EXT1: variants seen among roughly 807,000 people sequenced by gnomAD.
EXT1 encodes the protein exostosin glycosyltransferase 1.
A neutral mutation model predicts 82.5 loss-of-function variants in EXT1; 20 were observed. The ratio of observed to expected loss-of-function variants is 0.24; its 90% confidence interval spans 0.17 to 0.35. EXT1 has a LOEUF of 0.35. Ranked by LOEUF, EXT1 falls within the 10% of genes least tolerant of loss-of-function variation. The pLI is 1.00. For missense variants in EXT1, 757 were observed against 936.5 expected (o/e 0.81, Z 2.50); for synonymous variants, 348 against 350.8 (o/e 0.99, Z 0.09).
intron 1 of EXT1, among the ~76,000 whole-genome samples, chr8:117,878,757 C>T (rs138910172): frequency 6.6e-5 from 10 of 152,328 alleles, no homozygotes; most frequent in African/African-American, 2.4e-4. Context: ...TTAGAATCTT[C>T]CAGTGATTCC....
At position 118,066,573 on chromosome 8, in the gene EXT1, C is replaced by T. The variant is rs972412828; in HGVS notation, c.962+43512G>A. On this transcript the variant is annotated intron_variant, in intron 1 of 10. Coordinates refer to ENST00000378204, the MANE Select transcript of EXT1 (RefSeq NM_000127.3). The stretch of plus-strand genomic sequence containing the variant: ...ATGGGGTTTCACCATGTTGACCAGG[C>T]TGGTCTTGAACAACTGGCCTCAAGT... Among the ~76,000 whole-genome samples, 5 of 152,226 alleles carry T rather than the reference C, an allele frequency of 3.3e-5. No homozygotes were observed. The East Asian group carries it at 9.7e-4, about 29-fold the overall frequency.
At chr8:117,951,684 C>T (rs982648698) in intron 1 of EXT1, among the ~76,000 whole-genome samples, 2 of 152,164 alleles carry the variant, frequency 1.3e-5, no homozygotes, top group African/African-American at 4.8e-5. Context: ...TTATGTAGAC[C>T]ACTTCCTCTG....
At position 117,811,481 on chromosome 8, in the gene EXT1, T is replaced by C. The variant is rs1033778602; in HGVS notation, c.1722+1391A>G. Among the ~76,000 whole-genome samples the C allele has an allele frequency of 3.3e-5, 5 of 152,138 alleles. 1 individual carries two copies. The highest frequency in any genetic ancestry group is 6.5e-5 in the Admixed American group (1 of 15,276). On this transcript the variant is annotated intron_variant, in intron 8 of 10. Coordinates refer to ENST00000378204, the MANE Select transcript of EXT1 (RefSeq NM_000127.3). ...GGCCCAACCACTCATTCAACAAGTA[T>C]TTATAGAGCTTCGGCTGCATAGAAA...
chr8:117,877,242 A>T (rs1310851100), intron 1 of EXT1, among the ~76,000 whole-genome samples: 1 of 152,152 alleles, frequency 6.6e-6, no homozygotes, highest in Non-Finnish European at 1.5e-5. Context: ...GCCTCATGAG[A>T]GAAGTCGCTG....
Position 118,037,836 on chromosome 8 carries a change from G to GTTTTT in EXT1, c.962+72244_962+72248dup, listed in dbSNP as rs58862041. Among the ~76,000 whole-genome samples, 91 of 107,376 alleles carry GTTTTT rather than the reference G, an allele frequency of 8.5e-4. 1 individual carries two copies. Among genetic ancestry groups the GTTTTT allele is most frequent in the African/African-American group, 2.5e-3 (59 of 23,746 alleles). 70.4% of individuals were successfully genotyped at this position (107,376 alleles called of 152,430 possible). ...CTTTGTATCAACAAGAGTGTTTTTTGTTTTTTTTTTTTTTTTTTTTTGAGA... is the reference window on the plus strand; with the variant it reads ...CTTTGTATCAACAAGAGTGTTTTTTGTTTTTTTTTTTTTTTTTTTTTTTTTTGAGA... On this transcript the variant is annotated intron_variant, in intron 1 of 10. Coordinates refer to ENST00000378204, the MANE Select transcript of EXT1 (RefSeq NM_000127.3).
chr8:118,058,781 TATTA>T (rs1218437637), intron 1 of EXT1, among the ~76,000 whole-genome samples: 1 of 152,134 alleles, frequency 6.6e-6, no homozygotes, highest in Non-Finnish European at 1.5e-5. Context: ...TACAGAAAAA[TATTA>T]ATAGATATAG....
intron 1 of EXT1, among the ~76,000 whole-genome samples, chr8:118,087,131 G>T (rs1817436137): frequency 1.3e-5 from 2 of 152,142 alleles, no homozygotes; most frequent in African/African-American, 4.8e-5. Context: ...AACAGTCTTG[G>T]GAACAGGAGC....
At chr8:117,835,924 T>A (rs1198715916) in intron 2 of EXT1, among the ~76,000 whole-genome samples, 2 of 152,180 alleles carry the variant, frequency 1.3e-5, no homozygotes, top group East Asian at 3.9e-4. Context: ...ATAAACAGTC[T>A]GGTCAACGTA....
chr8:117,941,461 G>A (rs902953821), intron 1 of EXT1, among the ~76,000 whole-genome samples: 2 of 152,198 alleles, frequency 1.3e-5, no homozygotes, highest in Non-Finnish European at 1.5e-5. Context: ...CAGTAAGGCT[G>A]GATCTAGGGT....
intron 1 of EXT1, among the ~76,000 whole-genome samples, chr8:118,010,914 A>G (rs1563628817): frequency 6.6e-6 from 1 of 152,234 alleles, no homozygotes; most frequent in Non-Finnish European, 1.5e-5. Context: ...GGACAGCAAG[A>G]TTAATGAAAG....
At chr8:117,974,805 A>AT (rs529780979) in intron 1 of EXT1, among the ~76,000 whole-genome samples, 121 of 152,234 alleles carry the variant, frequency 7.9e-4, no homozygotes, top group Non-Finnish European at 1.6e-3. Context: ...CACCTCTCAG[A>AT]TAACCCTTGT....
rs1174385267 is a variant in EXT1 at position 117,798,859 on chromosome 8, G to A, written c.*853C>T. The A allele has an allele frequency of 1.3e-5, 2 of 152,234 alleles. No individual in the cohort carries two copies. Among genetic ancestry groups the A allele is most frequent in the Non-Finnish European group, 2.9e-5 (2 of 68,072 alleles). 9.4% of individuals were successfully genotyped at this position (152,234 alleles called of 1,614,324 possible). A position where few individuals can be genotyped will look rare whatever the true frequency, so the allele number is the denominator to read the frequency against. On this transcript the variant is annotated 3_prime_UTR_variant, in exon 11 of 11. Coordinates refer to ENST00000378204, the MANE Select transcript of EXT1 (RefSeq NM_000127.3). ...GCTACGCAGACTTAGGTCAATGGTTGAATCTATAACCGTGCCCCCAACCCC... is the reference window on the plus strand; with the variant it reads ...GCTACGCAGACTTAGGTCAATGGTTAAATCTATAACCGTGCCCCCAACCCC...
At chr8:118,027,444 T>A (rs1489178455) in intron 1 of EXT1, among the ~76,000 whole-genome samples, 1 of 152,194 alleles carries the variant, frequency 6.6e-6, no homozygotes, top group East Asian at 1.9e-4. Flanking sequence ...TTAACAGATC[T>A]GGCTCAAGGG....
rs2130045053 is a variant in EXT1, at chr8:118,110,858, G to A, written c.189C>T (p.Arg63=). Residue 63 remains arginine (R), a synonymous_variant, in exon 1 of 11, where the codon CGC becomes CGT. Transcript: ENST00000378204. ...HFWPRFPDAL[R]PFVPWDQLEN... ...CCAATTGATCCCAAGGAACGAAGGG[G>A]CGCAGAGCGTCCGGGAAGCGGGGCC... 6.2e-7 allele frequency: 1 copy of A among 1,613,222 alleles called. No homozygotes were observed. Among genetic ancestry groups the A allele is most frequent in the East Asian group, 2.2e-5 (1 of 44,866 alleles).
chr8:117,865,169 ATCT>A (rs775189755), intron 1 of EXT1, among the ~76,000 whole-genome samples: 7 of 151,930 alleles, frequency 4.6e-5, no homozygotes, highest in Non-Finnish European at 8.8e-5. Context: ...CCCAAATAAA[ATCT>A]TCTTTACTTT....
chr8:117,837,917 T>A (rs1208154892), intron 1 of EXT1, among the ~76,000 whole-genome samples: 1 of 152,016 alleles, frequency 6.6e-6, no homozygotes, highest in Non-Finnish European at 1.5e-5. Flanking sequence ...AAGAGATGAA[T>A]TTATTTTACT....
intron 1 of EXT1, among the ~76,000 whole-genome samples, chr8:118,034,828 G>A (rs547631686): frequency 1.3e-5 from 2 of 152,248 alleles, no homozygotes; most frequent in South Asian, 4.2e-4. Flanking sequence ...AATGGCCCAA[G>A]CATGGCAGTC....
chr8:118,017,926 A>T (rs971659534), intron 1 of EXT1, among the ~76,000 whole-genome samples: 2 of 152,218 alleles, frequency 1.3e-5, no homozygotes, highest in Non-Finnish European at 2.9e-5. Flanking sequence ...CTTGCACAGA[A>T]TTTTCCACAC....
At chr8:118,102,027 G>A (rs573134073) in intron 1 of EXT1, among the ~76,000 whole-genome samples, 1 of 151,824 alleles carries the variant, frequency 6.6e-6, no homozygotes, top group South Asian at 2.1e-4. Context: ...AGTACTTTGG[G>A]AGGCTAAGGT....
Sources: gnomAD v4.1 joint callset for allele counts (sites outside exome capture counted in the v4.1 genomes callset) on GRCh38, gnomAD v4.1.1 for gene constraint, MANE v1.5 for transcripts, NCBI Gene and HGNC (gene_info 2026-07-23, HGNC 2026-07-21) for gene names.